INVS: variants seen among roughly 807,000 people sequenced by gnomAD.
The protein encoded by INVS is inversion of embryo turning homolog.
A neutral mutation model predicts 108.8 loss-of-function variants in INVS; 86 were observed. The observed-to-expected ratio is 0.79, with a 90% CI of 0.66 to 0.95. The LOEUF (loss-of-function observed/expected upper bound fraction) is 0.95. Ranked by LOEUF, INVS falls within the 40% of genes least tolerant of loss-of-function variation. The pLI, the probability that INVS is intolerant of heterozygous loss-of-function variation, is 0.00. For missense variants in INVS, 1,169 were observed against 1,297.4 expected (o/e 0.90, Z 1.52); for synonymous variants, 455 against 473.5 (o/e 0.96, Z 0.51).
chr9:100,299,946 C>G (rs1833914512), intron 16 of INVS, among the ~76,000 whole-genome samples: 1 of 152,168 alleles, frequency 6.6e-6, no homozygotes, highest in Admixed American at 6.5e-5. Context: ...CTTTTAAAAA[C>G]TACTAAACCT....
intron 3 of INVS, among the ~76,000 whole-genome samples, chr9:100,199,486 T>G (rs901952596): frequency 3.3e-5 from 5 of 152,212 alleles, no homozygotes; most frequent in Non-Finnish European, 5.9e-5. Context: ...TTAATCAAAT[T>G]TTTAATTTTT....
At chr9:100,286,417 C>T (rs1214497011) in intron 13 of INVS, among the ~76,000 whole-genome samples, 2 of 152,034 alleles carry the variant, frequency 1.3e-5, no homozygotes, top group African/African-American at 4.8e-5. Context: ...AGCCAGGCAT[C>T]GTGGTGCATG....
chr9:100,202,089 A>G (rs1830549121), intron 3 of INVS, among the ~76,000 whole-genome samples: 1 of 126,234 alleles, frequency 7.9e-6, no homozygotes, highest in South Asian at 2.2e-4. Context: ...AGTTATTACA[A>G]TAGTTTTTTT....
At chr9:100,271,199 T>G (rs1832944934) in intron 11 of INVS, among the ~76,000 whole-genome samples, 1 of 152,216 alleles carries the variant, frequency 6.6e-6, no homozygotes. Context: ...AATACATTTT[T>G]CATAGATAAA....
chr9:100,140,392 T>G (rs1828387629), intron 3 of INVS, among the ~76,000 whole-genome samples: 2 of 152,042 alleles, frequency 1.3e-5, no homozygotes, highest in South Asian at 4.1e-4. Context: ...CACAAGGTGC[T>G]CAGTAGGGGA....
At chr9:100,261,507 T>C (rs1588130351) in intron 10 of INVS, among the ~76,000 whole-genome samples, 1 of 152,120 alleles carries the variant, frequency 6.6e-6, no homozygotes, top group Admixed American at 6.5e-5. Flanking sequence ...GATCTTGTGA[T>C]CCGCCTGCCT....
chr9:100,262,176 A>C (rs1423736598), intron 10 of INVS, among the ~76,000 whole-genome samples: 1 of 151,890 alleles, frequency 6.6e-6, no homozygotes, highest in East Asian at 1.9e-4. Flanking sequence ...AGATTGGCCT[A>C]TAATTTTCCT....
At chr9:100,299,963 T>C (rs1833915162) in intron 16 of INVS, among the ~76,000 whole-genome samples, 1 of 152,248 alleles carries the variant, frequency 6.6e-6, no homozygotes, top group Non-Finnish European at 1.5e-5. Context: ...ACCTTTAATG[T>C]ATTTGCTTAT....
intron 3 of INVS, among the ~76,000 whole-genome samples, chr9:100,220,436 T>G (rs1175164346): frequency 6.6e-6 from 1 of 152,206 alleles, no homozygotes. Context: ...GGAAATGTTT[T>G]CACATTTCAG....
At chr9:100,133,813 A>ACACACACACACAC (rs1828132654) in intron 3 of INVS, among the ~76,000 whole-genome samples, 1 of 150,780 alleles carries the variant, frequency 6.6e-6, no homozygotes, top group Non-Finnish European at 1.5e-5. Flanking sequence ...ACATACACAC[A>ACACACACACACAC]TCCCTCATCT....
chr9:100,254,258 G>T (rs1171289068), intron 10 of INVS, among the ~76,000 whole-genome samples: 1 of 152,070 alleles, frequency 6.6e-6, no homozygotes, highest in African/African-American at 2.4e-5. Context: ...CTTTTTGATG[G>T]GGTTGTTTGA....
intron 7 of INVS, among the ~76,000 whole-genome samples, chr9:100,245,428 T>A (rs1461120637): frequency 6.6e-6 from 1 of 152,088 alleles, no homozygotes; most frequent in Non-Finnish European, 1.5e-5. Flanking sequence ...TACAGGCATG[T>A]GCCACCATAC....
intron 5 of INVS, among the ~76,000 whole-genome samples, chr9:100,237,080 C>T (rs1831710041): frequency 1.3e-5 from 2 of 152,214 alleles, no homozygotes; most frequent in Non-Finnish European, 2.9e-5. Flanking sequence ...TCTAGAAAGG[C>T]AGTCTGGCTA....
chr9:100,258,162 A>G (rs1311168724), intron 10 of INVS, among the ~76,000 whole-genome samples: 5 of 152,164 alleles, frequency 3.3e-5, no homozygotes, highest in East Asian at 3.9e-4. Flanking sequence ...TTGATCTTCA[A>G]TCACTGATAC....
chr9:100,112,419 A>G (rs1345656461), intron 2 of INVS, among the ~76,000 whole-genome samples: 1 of 152,208 alleles, frequency 6.6e-6, no homozygotes, highest in Non-Finnish European at 1.5e-5. Flanking sequence ...GTCAGGGAAC[A>G]AAGAGAAGGC....
At chr9:100,147,678 C>G (rs1588038664) in intron 3 of INVS, among the ~76,000 whole-genome samples, 1 of 151,930 alleles carries the variant, frequency 6.6e-6, no homozygotes, top group Non-Finnish European at 1.5e-5. Flanking sequence ...TTTACAAAAA[C>G]AAGGTTGGAA....
intron 5 of INVS, among the ~76,000 whole-genome samples, chr9:100,239,683 CTGTGCCAG>C (rs910750346): frequency 2.0e-5 from 3 of 151,976 alleles, no homozygotes; most frequent in African/African-American, 7.2e-5. Flanking sequence ...CAGTTAATTC[CTGTGCCAG>C]GCTGGGCACA....
chr9:100,250,192 T>G (rs1175392435), intron 8 of INVS, among the ~76,000 whole-genome samples: 1 of 152,198 alleles, frequency 6.6e-6, no homozygotes, highest in Non-Finnish European at 1.5e-5. Flanking sequence ...ACTTAATTTT[T>G]TAAAAATATA....
chr9:100,237,033 C>G (rs1292541428), intron 5 of INVS, among the ~76,000 whole-genome samples: 1 of 152,200 alleles, frequency 6.6e-6, no homozygotes, highest in Non-Finnish European at 1.5e-5. Flanking sequence ...GGAACTGCTG[C>G]CTTTCTTTCA....
Sources: gnomAD v4.1 joint callset for allele counts (sites outside exome capture counted in the v4.1 genomes callset) on GRCh38, gnomAD v4.1.1 for gene constraint, MANE v1.5 for transcripts, NCBI Gene and HGNC (gene_info 2026-07-23, HGNC 2026-07-21) for gene names.